CDH18: variants seen among roughly 807,000 people sequenced by gnomAD.
The protein encoded by CDH18 is cadherin 18.
A neutral mutation model predicts 67.9 loss-of-function variants in CDH18; 31 were observed. That is an observed-to-expected ratio of 0.46 (90% CI 0.34 to 0.62). The LOEUF (loss-of-function observed/expected upper bound fraction) is 0.62. Ranked by LOEUF, CDH18 falls within the 20% of genes least tolerant of loss-of-function variation. CDH18 has a pLI of 0.01. For synonymous variants in CDH18, 362 were observed against 347.2 expected, an observed-to-expected ratio of 1.04 and a Z score of -0.48; for missense variants, 890 against 975.5, an observed-to-expected ratio of 0.91 and a Z score of 1.17.
intron 2 of CDH18, among the ~76,000 whole-genome samples, chr5:19,867,841 T>G (rs1785740159): frequency 6.6e-6 from 1 of 152,144 alleles, no homozygotes; most frequent in Non-Finnish European, 1.5e-5. Flanking sequence ...ACATCTTGAG[T>G]TGTAGTTCCC....
chr5:20,203,539 C>T (rs950362100), intron 2 of CDH18, among the ~76,000 whole-genome samples: 4 of 149,142 alleles, frequency 2.7e-5, no homozygotes, highest in Middle Eastern at 6.4e-3. Flanking sequence ...GCTTGAAGCA[C>T]CACTGAGTGG....
intron 1 of CDH18, among the ~76,000 whole-genome samples, chr5:20,550,814 G>A (rs1757592831): frequency 6.6e-6 from 1 of 152,138 alleles, no homozygotes; most frequent in Non-Finnish European, 1.5e-5. Context: ...GGTTCTGAAG[G>A]ACATACAAGC....
intron 2 of CDH18, among the ~76,000 whole-genome samples, chr5:20,057,090 T>C (rs931871183): frequency 6.6e-6 from 1 of 152,166 alleles, no homozygotes; most frequent in Admixed American, 6.5e-5. Flanking sequence ...AAAGTCAATC[T>C]CATAAATACA....
At chr5:20,569,685 A>G (rs1472418667) in intron 1 of CDH18, among the ~76,000 whole-genome samples, 1 of 152,214 alleles carries the variant, frequency 6.6e-6, no homozygotes, top group Non-Finnish European at 1.5e-5. Flanking sequence ...GTATTTACCC[A>G]AATGAGTTGA....
intron 1 of CDH18, among the ~76,000 whole-genome samples, chr5:20,539,931 C>G (rs1315820619): frequency 2.0e-5 from 3 of 152,110 alleles, no homozygotes; most frequent in African/African-American, 4.8e-5. Context: ...TTACTAAACT[C>G]AAATTTGGAA....
At chr5:20,433,480 A>T (rs1043708965) in intron 1 of CDH18, among the ~76,000 whole-genome samples, 1 of 152,076 alleles carries the variant, frequency 6.6e-6, no homozygotes, top group African/African-American at 2.4e-5. Flanking sequence ...TAAAGAAAGC[A>T]TTAACAGGCT....
chr5:20,575,347 A>ACTT (rs1276291398), intron 1 of CDH18: 1 of 152,168 alleles, frequency 6.6e-6, no homozygotes, highest in Non-Finnish European at 1.5e-5. Flanking sequence ...ACTTGTGTAT[A>ACTT]GAATTTACTT....
chr5:19,938,303 C>G (rs976369024), intron 2 of CDH18, among the ~76,000 whole-genome samples: 2 of 151,064 alleles, frequency 1.3e-5, no homozygotes, highest in Non-Finnish European at 3.0e-5. Flanking sequence ...AACTTCTGCT[C>G]ATATCCTTTA....
At chr5:19,748,393 A>G (rs1318106124) in intron 3 of CDH18, among the ~76,000 whole-genome samples, 4 of 152,138 alleles carry the variant, frequency 2.6e-5, no homozygotes, top group African/African-American at 9.7e-5. Flanking sequence ...CTTTGTTGCC[A>G]TTTAAACTGC....
At chr5:19,480,934 G>C (rs1381310081) in intron 12 of CDH18, among the ~76,000 whole-genome samples, 4 of 152,058 alleles carry the variant, frequency 2.6e-5, no homozygotes, top group Admixed American at 6.5e-5. Context: ...CTGGAATGCA[G>C]TGAAATAGTT....
At position 20,112,661 on chromosome 5, in the gene CDH18, C is replaced by G. The variant is rs564117621; in HGVS notation, c.-517-120647G>C. ...CCCTGCAGGCAGAGGTTGCAGTGAG[C>G]TGAGATCACGCCACTGCACTCCAGC... is the stretch of plus-strand genomic sequence containing the variant. On this transcript the variant is annotated intron_variant, in intron 2 of 14. Coordinates refer to the CDH18 transcript ENST00000507958. 4.1e-4 allele frequency among the ~76,000 whole-genome samples: 63 copies of G among 152,224 alleles called. 1 individual carries two copies. Among genetic ancestry groups the G allele is most frequent in the African/African-American group, 1.4e-3 (57 of 41,536 alleles).
intron 2 of CDH18, among the ~76,000 whole-genome samples, chr5:19,873,012 A>G (rs1484696987): frequency 1.3e-5 from 2 of 152,138 alleles, no homozygotes; most frequent in South Asian, 4.1e-4. Flanking sequence ...GTATATAAAT[A>G]GTGAAGGGGA....
chr5:19,885,499 T>C (rs1182918737), intron 2 of CDH18, among the ~76,000 whole-genome samples: 1 of 152,222 alleles, frequency 6.6e-6, no homozygotes, highest in Non-Finnish European at 1.5e-5. Flanking sequence ...TTAACATTTG[T>C]TGTTTACATC....
At chr5:20,122,112 T>C (rs748550604) in intron 2 of CDH18, among the ~76,000 whole-genome samples, 10 of 152,190 alleles carry the variant, frequency 6.6e-5, no homozygotes, top group Non-Finnish European at 1.3e-4. Context: ...TATAATTTCT[T>C]GCATTCTTCT....
chr5:20,305,794 C>A, intron 1 of CDH18: 5 of 249,430 alleles, frequency 2.0e-5, no homozygotes, highest in East Asian at 1.1e-4. Flanking sequence ...CCCCCAAAAC[C>A]AATTCGAAAA....
chr5:20,463,903 G>A (rs549746493), intron 1 of CDH18, among the ~76,000 whole-genome samples: 1 of 152,096 alleles, frequency 6.6e-6, no homozygotes, highest in Non-Finnish European at 1.5e-5. Context: ...CATAAGAAAG[G>A]CCAGCCAGAG....
At chr5:19,651,814 G>A (rs1410986696) in intron 5 of CDH18, among the ~76,000 whole-genome samples, 4 of 152,010 alleles carry the variant, frequency 2.6e-5, no homozygotes, top group African/African-American at 9.7e-5. Flanking sequence ...GAATTTAACT[G>A]CAAAAACTTA....
chr5:20,144,997 C>T (rs987931914), intron 2 of CDH18, among the ~76,000 whole-genome samples: 1 of 152,078 alleles, frequency 6.6e-6, no homozygotes, highest in Non-Finnish European at 1.5e-5. Context: ...GGAAGAAATG[C>T]TCCTAATTCC....
chr5:19,589,005 T>C (rs924334539), intron 7 of CDH18, among the ~76,000 whole-genome samples: 3 of 151,976 alleles, frequency 2.0e-5, no homozygotes, highest in Non-Finnish European at 4.4e-5. Flanking sequence ...AGAAAAGTAA[T>C]AAAGATATTT....
Sources: allele counts gnomAD v4.1 joint callset (sites outside exome capture counted in the v4.1 genomes callset), GRCh38; gene constraint gnomAD v4.1.1; transcripts MANE v1.5; gene names NCBI Gene and HGNC (gene_info 2026-07-23, HGNC 2026-07-21).